TENM2: variants seen among roughly 807,000 people sequenced by gnomAD.
The protein encoded by TENM2 is teneurin-2.
TENM2 carries 52 observed loss-of-function variants against 245.2 expected under a neutral mutation model. That is an observed-to-expected ratio of 0.21 (90% CI 0.17 to 0.27). The LOEUF is 0.27. Ranked by LOEUF, TENM2 falls within the 10% of genes least tolerant of loss-of-function variation. TENM2 has a pLI of 1.00. For missense variants in TENM2, 3,046 were observed against 3,666.8 expected, an observed-to-expected ratio of 0.83 and a Z score of 4.37; for synonymous variants, 1,363 against 1,438.9, an observed-to-expected ratio of 0.95 and a Z score of 1.19.
chr5:167,912,512 G>C (rs562661306), intron 3 of TENM2, among the ~76,000 whole-genome samples: 21 of 152,126 alleles, frequency 1.4e-4, no homozygotes, highest in Non-Finnish European at 7.3e-5. Context: ...TCACTCAGTC[G>C]ACACATGTTA....
intron 1 of TENM2, among the ~76,000 whole-genome samples, chr5:167,356,217 A>AAAAAAAAAAAAAAAAAAAAAAGAAAAATT (rs1759321624): frequency 2.3e-5 from 3 of 129,104 alleles, no homozygotes; most frequent in African/African-American, 9.6e-5. Flanking sequence ...AAAAAAAAAA[A>AAAAAAAAAAAAAAAAAAAAAAGAAAAATT]AAAATTAAAA....
chr5:168,261,909 T>C (rs1581804306), intron 28 of TENM2, 140 bp from the exon 31 acceptor site: 2 of 760,516 alleles, frequency 2.6e-6, no homozygotes, highest in Non-Finnish European at 4.2e-6. Context: ...TTCCAAAAGG[T>C]AGGACTCCCA....
intron 2 of TENM2, among the ~76,000 whole-genome samples, chr5:167,587,243 T>TA (rs1775571389): frequency 6.6e-6 from 1 of 152,242 alleles, no homozygotes. Flanking sequence ...TATATTTCTC[T>TA]ATGCTTCTCC....
chr5:166,995,375 G>T, the TENM2 span, among the ~76,000 whole-genome samples: 1 of 151,740 alleles, frequency 6.6e-6, no homozygotes, highest in Non-Finnish European at 1.5e-5. Flanking sequence ...GAGTAGCTGG[G>T]ACTACAGGTG....
chr5:167,570,620 G>A (rs923613977), intron 2 of TENM2, among the ~76,000 whole-genome samples: 2 of 152,136 alleles, frequency 1.3e-5, no homozygotes, highest in Non-Finnish European at 2.9e-5. Context: ...GATCTCTGGT[G>A]CAGTCCTTGC....
At chr5:167,895,004 A>AG (rs1775099464) in intron 3 of TENM2, among the ~76,000 whole-genome samples, 16 of 116,400 alleles carry the variant, frequency 1.4e-4, no homozygotes, top group Middle Eastern at 4.1e-3. Flanking sequence ...GAAGGAAGGA[A>AG]GGAAGGGAGG....
At chr5:167,372,369 TATCTC>T (rs573281365) in intron 1 of TENM2, among the ~76,000 whole-genome samples, 12 of 152,230 alleles carry the variant, frequency 7.9e-5, no homozygotes, top group Non-Finnish European at 1.2e-4. Flanking sequence ...TTCAATTTCT[TATCTC>T]AAGTAATTTT....
chr5:167,562,957 CAAA>C (rs58779751), intron 2 of TENM2, among the ~76,000 whole-genome samples: 7 of 77,580 alleles, frequency 9.0e-5, no homozygotes, highest in Admixed American at 2.8e-4. Flanking sequence ...AATTCTGTCT[CAAA>C]AAAAAAAAAA....
chr5:166,995,054 G>A, the TENM2 span, among the ~76,000 whole-genome samples: 2 of 152,156 alleles, frequency 1.3e-5, no homozygotes, highest in Non-Finnish European at 2.9e-5. Flanking sequence ...GCACAAAAAA[G>A]ATGGATGATT....
chr5:167,407,317 T>C (rs956962310), intron 2 of TENM2, among the ~76,000 whole-genome samples: 1 of 152,162 alleles, frequency 6.6e-6, no homozygotes, highest in Admixed American at 6.6e-5. Flanking sequence ...GTTCTGCAAG[T>C]GATGGCATCT....
At chr5:168,141,671 A>G (rs1416633987) in intron 12 of TENM2, among the ~76,000 whole-genome samples, 2 of 152,262 alleles carry the variant, frequency 1.3e-5, no homozygotes, top group African/African-American at 4.8e-5. Context: ...TTGAATATTT[A>G]AAAGGTATAT....
At chr5:167,728,702 A>C (rs1299895772) in intron 2 of TENM2, 2 of 152,302 alleles carry the variant, frequency 1.3e-5, no homozygotes, top group Non-Finnish European at 2.9e-5. Context: ...ACAGCTCGAG[A>C]AGCCTGGAAC....
chr5:168,003,856 G>A lies in TENM2; in HGVS notation c.1186+10674G>A, dbSNP rs139046863. Among the ~76,000 whole-genome samples the A allele has an allele frequency of 9.2e-5, 14 of 152,268 alleles. No individual in the cohort carries two copies. The South Asian group carries it at 1.5e-3, about 16-fold the overall frequency. ...AGACGAGAGTAATGTGTCTAATGTCGAACATCAATCTATATTTCAAGTATA... is the reference window on the plus strand; with the variant it reads ...AGACGAGAGTAATGTGTCTAATGTCAAACATCAATCTATATTTCAAGTATA... On this transcript the variant is annotated intron_variant, in intron 5 of 28. Transcript: ENST00000518659.
At position 168,218,637 on chromosome 5, in the gene TENM2, G is replaced by T. The variant is rs749799520; in HGVS notation, c.4746G>T (p.Gln1582His). Reference sequence around the variant, plus strand: ...AGCCTGTTCTTAATGCCTTCAACCAGTATGAGGCTGCATCCCCCGGAGAGC... The same window carrying T: ...AGCCTGTTCTTAATGCCTTCAACCATTATGAGGCTGCATCCCCCGGAGAGC... Residue 1582 changes from glutamine (Q) to histidine (H), a missense_variant, in exon 23 of 29, where the codon CAG (glutamine) becomes CAT (histidine). Gln to His is a conservative substitution (Grantham distance 24). This residue lies in a region of TENM2 where 2,704 missense variants were observed against 3,331.9 expected (regional missense o/e 0.81). Transcript: ENST00000518659. The surrounding 1 kb of genome is among the most constrained non-coding windows in gnomAD (Gnocchi z 5.2). 1 of 1,614,020 alleles carries T rather than the reference G, an allele frequency of 6.2e-7. No homozygotes were observed. The highest frequency in any genetic ancestry group is 8.5e-7 in the Non-Finnish European group (1 of 1,179,910).
chr5:167,134,310 CACTA>C, the TENM2 span, among the ~76,000 whole-genome samples: 6 of 152,168 alleles, frequency 3.9e-5, no homozygotes, highest in Admixed American at 6.5e-5. Flanking sequence ...ACAGCTTTTT[CACTA>C]ACTATTAACA....
intron 2 of TENM2, among the ~76,000 whole-genome samples, chr5:167,670,670 G>A (rs888107910): frequency 6.6e-6 from 1 of 152,126 alleles, no homozygotes; most frequent in Admixed American, 6.5e-5. Flanking sequence ...CGTTCACAGT[G>A]AGCCTGACTT....
intron 1 of TENM2, among the ~76,000 whole-genome samples, chr5:167,336,678 C>T (rs1449045906): frequency 6.6e-6 from 1 of 152,014 alleles, no homozygotes; most frequent in Non-Finnish European, 1.5e-5. Flanking sequence ...TTTGAGAATT[C>T]CTAATCTGAA....
the TENM2 span, among the ~76,000 whole-genome samples, chr5:167,160,689 T>C: frequency 6.6e-6 from 1 of 152,236 alleles, no homozygotes; most frequent in Non-Finnish European, 1.5e-5. Context: ...CTTATTCTTT[T>C]TCCTCTCTGG....
At position 167,329,186 on chromosome 5, in the gene TENM2, A is replaced by T. The variant is rs549611062; in HGVS notation, c.226+44123A>T. On this transcript the variant is annotated intron_variant, in intron 1 of 28. Transcript: ENST00000518659. The stretch of plus-strand genomic sequence containing the variant: ...TTGGGACTGGTTGGAAGAATCTTGA[A>T]TACCTTGTCAAGAAGTTTGGACATG... Among the ~76,000 whole-genome samples the T allele has an allele frequency of 4.6e-5, 7 of 152,220 alleles. No individual in the cohort carries two copies. The East Asian group carries it at 1.4e-3, about 29-fold the overall frequency.
Sources: allele counts gnomAD v4.1 joint callset (sites outside exome capture counted in the v4.1 genomes callset), GRCh38; gene constraint gnomAD v4.1.1; regional missense constraint gnomAD v4.1.1; non-coding constraint Gnocchi (gnomAD v3.1); transcripts MANE v1.5; gene names NCBI Gene and HGNC (gene_info 2026-07-23, HGNC 2026-07-21).